Variants in KCNK12 observed in about 807,000 individuals in gnomAD.
KCNK12 encodes the protein potassium channel subfamily K member 12.
In KCNK12, 6 loss-of-function variants were observed where a neutral mutation model predicts 25.3. That is an observed-to-expected ratio of 0.24 (90% CI 0.13 to 0.47). The LOEUF (loss-of-function observed/expected upper bound fraction) is 0.47. Among genes scored for constraint, KCNK12 ranks in the 20% least tolerant of loss-of-function variants. The pLI, the probability that KCNK12 is intolerant of heterozygous loss-of-function variation, is 0.99. For missense variants in KCNK12, 444 were observed against 661.7 expected (o/e 0.67, Z 3.61); for synonymous variants, 331 against 311.1 (o/e 1.06, Z -0.67).
rs1572600010 is a variant in KCNK12 at position 47,547,050 on chromosome 2, C to T, written c.391+22891G>A. Among the ~76,000 whole-genome samples, 2 of 152,188 alleles carry T rather than the reference C, an allele frequency of 1.3e-5. No individual in the cohort carries two copies. The highest frequency in any genetic ancestry group is 2.4e-5 in the African/African-American group (1 of 41,432). On this transcript the variant is annotated intron_variant, in intron 1 of 1. Coordinates refer to ENST00000327876, the MANE Select transcript of KCNK12 (RefSeq NM_022055.2). The surrounding 1 kb of genome is among the most constrained non-coding windows in gnomAD (Gnocchi z 5.0). ...GAAAGCCCGCAGTCCACAAGCCCCACCTATGCACACTGAGTTTCCAGTCCA... is the reference window on the plus strand; with the variant it reads ...GAAAGCCCGCAGTCCACAAGCCCCATCTATGCACACTGAGTTTCCAGTCCA...
Position 47,556,953 on chromosome 2 carries a change from G to C in KCNK12, c.391+12988C>G, listed in dbSNP as rs1214374171. Among the ~76,000 whole-genome samples, 2 of 152,174 alleles carry C rather than the reference G, an allele frequency of 1.3e-5. No individual in the cohort carries two copies. The highest frequency in any genetic ancestry group is 2.9e-5 in the Non-Finnish European group (2 of 68,040). On this transcript the variant is annotated intron_variant, in intron 1 of 1. Transcript: ENST00000327876. The surrounding 1 kb of genome is among the most constrained non-coding windows in gnomAD (Gnocchi z 4.8). ...ATAGATAGAACCAAATGACCTGCTGGGGTGGGATGGAAAGAAATATGGTTA... is the reference window on the plus strand; with the variant it reads ...ATAGATAGAACCAAATGACCTGCTGCGGTGGGATGGAAAGAAATATGGTTA...
In KCNK12 at chr2:47,569,847, G is replaced by C; in HGVS notation, c.391+94C>G. 1 of 1,052,646 alleles carries C rather than the reference G, an allele frequency of 9.5e-7. No individual in the cohort carries two copies. Among genetic ancestry groups the C allele is most frequent in the Non-Finnish European group, 1.2e-6 (1 of 805,206 alleles). The allele number at this position is 1,052,646 out of a possible 1,614,324, so 65.2% of individuals were successfully genotyped here. A position where few individuals can be genotyped will look rare whatever the true frequency, so the allele number is the denominator to read the frequency against. ...CAAAGGGACATTAGAAGGGAAGGCA[G>C]AGCCGAGGGACGCGGACCGAGCGGC... On this transcript the variant is annotated intron_variant, in intron 1 of 1. Coordinates refer to ENST00000327876, the MANE Select transcript of KCNK12 (RefSeq NM_022055.2). The surrounding 1 kb of genome is among the most constrained non-coding windows in gnomAD (Gnocchi z 4.1).
chr2:47,545,375 TGGA>T (rs369563722), intron 1 of KCNK12, among the ~76,000 whole-genome samples: 151 of 152,334 alleles, frequency 9.9e-4, no homozygotes, highest in African/African-American at 3.4e-3. Flanking sequence ...CACTTGGGCT[TGGA>T]AAGGCTGGGG....
intron 1 of KCNK12, among the ~76,000 whole-genome samples, chr2:47,532,109 G>A (rs1011010561): frequency 4.6e-5 from 7 of 151,984 alleles, no homozygotes; most frequent in Admixed American, 2.6e-4. Context: ...ATTTGCACAC[G>A]GTGTAGCAGG....
In KCNK12 at chr2:47,569,797, G is replaced by T; in HGVS notation, c.391+144C>A. 3.1e-6 allele frequency: 2 copies of T among 638,270 alleles called. No homozygotes were observed. Among genetic ancestry groups the T allele is most frequent in the Non-Finnish European group, 4.6e-6 (2 of 436,816 alleles). The allele number at this position is 638,270 out of a possible 1,614,324, so 39.5% of individuals were successfully genotyped here. On this transcript the variant is annotated intron_variant, in intron 1 of 1. Coordinates refer to ENST00000327876, the MANE Select transcript of KCNK12 (RefSeq NM_022055.2). The surrounding 1 kb of genome is among the most constrained non-coding windows in gnomAD (Gnocchi z 4.1). ...GAGAGAGAGAGAACGGGGGCCGGCG[G>T]AGAAGAGGGCGAGACGAAAGTAAGC...
chr2:47,554,123 A>G (rs1159763434), intron 1 of KCNK12, among the ~76,000 whole-genome samples: 1 of 152,226 alleles, frequency 6.6e-6, no homozygotes, highest in Non-Finnish European at 1.5e-5. Context: ...AAATGTTAAA[A>G]TGGAAGCTTT....
At chr2:47,542,997 C>A (rs1352721286) in intron 1 of KCNK12, among the ~76,000 whole-genome samples, 1 of 152,202 alleles carries the variant, frequency 6.6e-6, no homozygotes, top group Non-Finnish European at 1.5e-5. Flanking sequence ...CAGGCACAAT[C>A]ATAACGCGCT....
At chr2:47,567,690 G>A (rs1050685542) in intron 1 of KCNK12, among the ~76,000 whole-genome samples, 1 of 152,198 alleles carries the variant, frequency 6.6e-6, no homozygotes. Context: ...CTGTACACAG[G>A]CTGGTTTAAA....
chr2:47,562,201 T>A lies in KCNK12; in HGVS notation c.391+7740A>T. 2.5e-6 allele frequency: 1 copy of A among 398,622 alleles called. No homozygotes were observed. Among genetic ancestry groups the A allele is most frequent in the Non-Finnish European group, 4.4e-6 (1 of 226,090 alleles). 24.7% of individuals were successfully genotyped at this position (398,622 alleles called of 1,614,324 possible). A position where few individuals can be genotyped will look rare whatever the true frequency, so the allele number is the denominator to read the frequency against. On this transcript the variant is annotated intron_variant, in intron 1 of 1. Transcript: ENST00000327876. The surrounding 1 kb of genome is among the most constrained non-coding windows in gnomAD (Gnocchi z 4.8). ...ACTACTTGGTAAGCAGATTCCCAGG[T>A]GGTTCCAGGCACCTTACAGTTTGAA...
rs1034200651 is a variant in KCNK12 at position 47,560,339 on chromosome 2, C to T, written c.391+9602G>A. Among the ~76,000 whole-genome samples the T allele has an allele frequency of 6.6e-6, 1 of 152,170 alleles. No homozygotes were observed. Among genetic ancestry groups the T allele is most frequent in the African/African-American group, 2.4e-5 (1 of 41,430 alleles). On this transcript the variant is annotated intron_variant, in intron 1 of 1. Coordinates refer to ENST00000327876, the MANE Select transcript of KCNK12 (RefSeq NM_022055.2). This position sits in a 1 kb window ranked among gnomAD's most constrained non-coding sequence, Gnocchi z 4.7. ...TCCTTCACAGAGAGGTACTAGGTGG[C>T]GAAGGATGGGAAGCAGGCAGCCCTC...
chr2:47,533,088 G>A lies in KCNK12; in HGVS notation c.392-11280C>T, dbSNP rs1668972082. ...TGCAGTGGTGTGATCTTGGCTCACT[G>A]CAACCTCCACCTCCCAGGTTCAAGC... On this transcript the variant is annotated intron_variant, in intron 1 of 1. Transcript: ENST00000327876. This position sits in a 1 kb window ranked among gnomAD's most constrained non-coding sequence, Gnocchi z 4.7. 6.6e-6 allele frequency among the ~76,000 whole-genome samples: 1 copy of A among 152,098 alleles called. No homozygotes were observed. The highest frequency in any genetic ancestry group is 2.4e-5 in the African/African-American group (1 of 41,406).
Position 47,525,175 on chromosome 2 carries a change from G to C in KCNK12, c.392-3367C>G, listed in dbSNP as rs375370183. Among the ~76,000 whole-genome samples the C allele has an allele frequency of 7.5e-4, 114 of 152,298 alleles. 2 individuals carry two copies. In the East Asian group the frequency reaches 0.017, roughly 23 times the overall value. On this transcript the variant is annotated intron_variant, in intron 1 of 1. Coordinates refer to ENST00000327876, the MANE Select transcript of KCNK12 (RefSeq NM_022055.2). This position sits in a 1 kb window ranked among gnomAD's most constrained non-coding sequence, Gnocchi z 4.1. ...TTAATAAAACAGCAAAACAGGTCTG[G>C]GGCTAGCAACCCCCCACACCCCCAC...
In KCNK12 at chr2:47,525,468, C is replaced by G. The variant is rs374424383; in HGVS notation, c.392-3660G>C. Among the ~76,000 whole-genome samples the G allele has an allele frequency of 3.3e-4, 50 of 152,266 alleles. No individual in the cohort carries two copies. In the East Asian group the frequency reaches 8.1e-3, roughly 25 times the overall value. Reference sequence around the variant, plus strand: ...GGTTCTGGGAGAACCCGGCAGTGTCCCCTGGAGTCCAGAGCTGTGCTGGAG... The same window carrying G: ...GGTTCTGGGAGAACCCGGCAGTGTCGCCTGGAGTCCAGAGCTGTGCTGGAG... On this transcript the variant is annotated intron_variant, in intron 1 of 1. Coordinates refer to ENST00000327876, the MANE Select transcript of KCNK12 (RefSeq NM_022055.2). This position sits in a 1 kb window ranked among gnomAD's most constrained non-coding sequence, Gnocchi z 4.1.
At chr2:47,534,745 C>G (rs1669023719) in intron 1 of KCNK12, 1 of 176,812 alleles carries the variant, frequency 5.7e-6, no homozygotes, top group African/African-American at 2.4e-5. Context: ...GGGAACAGCT[C>G]CAGGGTCATA....
At chr2:47,526,530 C>T (rs1022444429) in intron 1 of KCNK12, among the ~76,000 whole-genome samples, 5 of 152,048 alleles carry the variant, frequency 3.3e-5, no homozygotes, top group Non-Finnish European at 5.9e-5. Context: ...GCCAGGAGTT[C>T]AAGACCAGCC....
At chr2:47,526,695 T>G (rs1668787172) in intron 1 of KCNK12, among the ~76,000 whole-genome samples, 1 of 152,228 alleles carries the variant, frequency 6.6e-6, no homozygotes, top group Non-Finnish European at 1.5e-5. Flanking sequence ...ATCGCGCCAC[T>G]GCCTTCCAGC....
chr2:47,559,327 T>C (rs1669616022), intron 1 of KCNK12, among the ~76,000 whole-genome samples: 1 of 152,066 alleles, frequency 6.6e-6, no homozygotes, highest in South Asian at 2.1e-4. Context: ...CCTCCAGCTG[T>C]AGGAGTGGGG....
chr2:47,557,284 C>T lies in KCNK12; in HGVS notation c.391+12657G>A, dbSNP rs1419823281. 6.6e-6 allele frequency among the ~76,000 whole-genome samples: 1 copy of T among 152,066 alleles called. No homozygotes were observed. Among genetic ancestry groups the T allele is most frequent in the African/African-American group, 2.4e-5 (1 of 41,406 alleles). ...GGGTTGGTTATTGCGGGAGTGGGCT[C>T]CTGATAAAAGGATGAGTTTGGGCTG... On this transcript the variant is annotated intron_variant, in intron 1 of 1. Transcript: ENST00000327876. The surrounding 1 kb of genome is among the most constrained non-coding windows in gnomAD (Gnocchi z 4.9).
In KCNK12 at chr2:47,569,919, G is replaced by A. The variant is rs1376602470; in HGVS notation, c.391+22C>T. ...GGTGAAAGGCACAGAGAGGAAAGAT[G>A]CGCGGGGGACGCGCCGCTCACCTAT... On this transcript the variant is annotated intron_variant, in intron 1 of 1. Coordinates refer to ENST00000327876, the MANE Select transcript of KCNK12 (RefSeq NM_022055.2). The surrounding 1 kb of genome is among the most constrained non-coding windows in gnomAD (Gnocchi z 4.1). The A allele has an allele frequency of 1.5e-6, 2 of 1,337,006 alleles. No homozygotes were observed. The highest frequency in any genetic ancestry group is 1.9e-6 in the Non-Finnish European group (2 of 1,037,152). The allele number at this position is 1,337,006 out of a possible 1,614,324, so 82.8% of individuals were successfully genotyped here. A position where few individuals can be genotyped will look rare whatever the true frequency, so the allele number is the denominator to read the frequency against.
Sources: gnomAD v4.1 joint callset for allele counts (sites outside exome capture counted in the v4.1 genomes callset) on GRCh38, gnomAD v4.1.1 for gene constraint, Gnocchi (gnomAD v3.1) non-coding constraint, MANE v1.5 for transcripts, NCBI Gene and HGNC (gene_info 2026-07-23, HGNC 2026-07-21) for gene names.